The following CAST variants were observed in gnomAD, a reference collection of about 807,000 sequenced individuals.
CAST encodes the protein MIR583 host.
Under a neutral mutation model 119.6 loss-of-function variants are expected in CAST, and 76 were observed. That is an observed-to-expected ratio of 0.64 (90% CI 0.53 to 0.77). The LOEUF (loss-of-function observed/expected upper bound fraction) is 0.77, where lower values mean the gene tolerates loss of function less well. Among genes scored for constraint, CAST ranks in the 30% least tolerant of loss-of-function variants. The pLI is 0.00. For synonymous variants in CAST, 319 were observed against 331.6 expected (o/e 0.96, Z 0.41); for missense variants, 953 against 946.5 (o/e 1.01, Z -0.09).
intron 1 of CAST, among the ~76,000 whole-genome samples, chr5:96,618,534 G>A (rs1317641800): frequency 2.6e-5 from 4 of 152,244 alleles, no homozygotes; most frequent in African/African-American, 9.6e-5. Flanking sequence ...GTGGGAACCG[G>A]GGCTGCGCAT....
At chr5:96,477,442 C>T in the CAST span, among the ~76,000 whole-genome samples, 1 of 152,198 alleles carries the variant, frequency 6.6e-6, no homozygotes, top group Non-Finnish European at 1.5e-5. Flanking sequence ...AGCTTTCTTA[C>T]ACAGTAGTTA....
chr5:96,322,790 C>T, the CAST span, among the ~76,000 whole-genome samples: 1 of 152,168 alleles, frequency 6.6e-6, no homozygotes, highest in African/African-American at 2.4e-5. Context: ...CACATTGCCT[C>T]AACATATCAG....
the CAST span, among the ~76,000 whole-genome samples, chr5:96,264,263 G>T: frequency 3.9e-5 from 6 of 151,952 alleles, no homozygotes; most frequent in Non-Finnish European, 5.9e-5. Flanking sequence ...AAAGAGTATG[G>T]GTAAAGTAAA....
the CAST span, among the ~76,000 whole-genome samples, chr5:96,239,847 A>G: frequency 1.3e-5 from 2 of 151,852 alleles, no homozygotes; most frequent in Admixed American, 6.6e-5. Context: ...TATAGTGTCA[A>G]TTCTATCTTT....
At chr5:96,486,008 C>T in the CAST span, among the ~76,000 whole-genome samples, 723 of 152,218 alleles carry the variant, frequency 4.7e-3, 8 homozygotes, top group African/African-American at 0.017. Context: ...GAGACCACAG[C>T]GGAGTGCCTC....
chr5:96,325,427 TTTC>T, the CAST span, among the ~76,000 whole-genome samples: 81 of 151,292 alleles, frequency 5.4e-4, no homozygotes, highest in Non-Finnish European at 5.9e-5. Context: ...TCTTTCCTTC[TTTC>T]TTTTCTTTCT....
chr5:96,599,190 A>G (rs1747102367), intron 1 of CAST, among the ~76,000 whole-genome samples: 1 of 152,204 alleles, frequency 6.6e-6, no homozygotes, highest in Non-Finnish European at 1.5e-5. Flanking sequence ...TCAAGTTGTC[A>G]GACAAATGCA....
chr5:96,074,630 C>T, the CAST span, among the ~76,000 whole-genome samples: 2,255 of 152,324 alleles, frequency 0.015, 73 homozygotes, highest in African/African-American at 0.05. Flanking sequence ...GAAGTTTCCA[C>T]TGCTTCCCAC....
intron 28 of CAST, 58 bp downstream of exon 28, chr5:96,767,540 A>AT: frequency 7.3e-7 from 1 of 1,374,024 alleles, no homozygotes. Flanking sequence ...CCATAGGGGT[A>AT]TTTGGCATTT....
At chr5:96,702,272 A>G (rs1472675070) in intron 3 of CAST, among the ~76,000 whole-genome samples, 1 of 152,122 alleles carries the variant, frequency 6.6e-6, no homozygotes, top group Non-Finnish European at 1.5e-5. Flanking sequence ...TAACCCCTCT[A>G]TTTATTCATT....
chr5:96,045,761 A>G, the CAST span, among the ~76,000 whole-genome samples: 4 of 152,198 alleles, frequency 2.6e-5, no homozygotes, highest in Non-Finnish European at 4.4e-5. Flanking sequence ...CAAGCCTAGT[A>G]GGTCTAACTT....
At chr5:96,397,575 A>C in the CAST span, 3 of 1,062,114 alleles carry the variant, frequency 2.8e-6, no homozygotes, top group Non-Finnish European at 4.3e-6. Context: ...GAGTTCTCCT[A>C]ATTTTCTCTT....
the CAST span, among the ~76,000 whole-genome samples, chr5:96,253,063 A>T: frequency 6.6e-6 from 1 of 152,160 alleles, no homozygotes; most frequent in Admixed American, 6.6e-5. Context: ...AAGAGGCCAG[A>T]TACTTTTTTA....
chr5:96,088,254 G>T, the CAST span, among the ~76,000 whole-genome samples: 1 of 152,136 alleles, frequency 6.6e-6, no homozygotes. Context: ...CTGCAACTGG[G>T]ACCTCATCAC....
At chr5:96,010,229 ATC>A in the CAST span, among the ~76,000 whole-genome samples, 20 of 152,032 alleles carry the variant, frequency 1.3e-4, no homozygotes, top group East Asian at 3.7e-3. Flanking sequence ...GGGTAGTGTG[ATC>A]TCTCTGGCTT....
the CAST span, among the ~76,000 whole-genome samples, chr5:96,100,722 G>A: frequency 6.6e-6 from 1 of 152,004 alleles, no homozygotes; most frequent in Non-Finnish European, 1.5e-5. Context: ...TATCTGTTGG[G>A]GGTTGGTTCC....
At chr5:96,744,224 T>G (rs1763278613) in intron 16 of CAST, among the ~76,000 whole-genome samples, 1 of 152,200 alleles carries the variant, frequency 6.6e-6, no homozygotes, top group Non-Finnish European at 1.5e-5. Flanking sequence ...ACATAATAGT[T>G]GTATTAGTCT....
At chr5:96,704,955 C>T (rs1453408554) in intron 3 of CAST, among the ~76,000 whole-genome samples, 6 of 152,104 alleles carry the variant, frequency 3.9e-5, no homozygotes, top group African/African-American at 1.2e-4. Context: ...AGAGCGTGAC[C>T]GAAAGCACTT....
chr5:96,502,471 A>G, the CAST span, among the ~76,000 whole-genome samples: 1 of 151,762 alleles, frequency 6.6e-6, no homozygotes, highest in African/African-American at 2.4e-5. Context: ...TTATTTCTTA[A>G]AATTAAAGAT....
Sources: gnomAD v4.1 joint callset for allele counts (sites outside exome capture counted in the v4.1 genomes callset) on GRCh38, gnomAD v4.1.1 for gene constraint, MANE v1.5 for transcripts, NCBI Gene and HGNC (gene_info 2026-07-23, HGNC 2026-07-21) for gene names.